QTMAN: variants seen among roughly 807,000 people sequenced by gnomAD.
QTMAN encodes tRNA-queuosine alpha-mannosyltransferase.
chr2:144,116,977 G>T, the QTMAN span, among the ~76,000 whole-genome samples: 2 of 152,140 alleles, frequency 1.3e-5, no homozygotes, highest in Non-Finnish European at 2.9e-5. Flanking sequence ...GCACACTCTA[G>T]AATAGTTTTC....
At chr2:144,180,954 A>G in the QTMAN span, among the ~76,000 whole-genome samples, 99 of 152,334 alleles carry the variant, frequency 6.5e-4, no homozygotes, top group African/African-American at 2.2e-3. Flanking sequence ...GGAAATTTCC[A>G]TAACAGATTC....
At chr2:144,207,422 T>C in the QTMAN span, among the ~76,000 whole-genome samples, 8 of 152,126 alleles carry the variant, frequency 5.3e-5, no homozygotes, top group Non-Finnish European at 1.0e-4. Flanking sequence ...GTGGCCACTT[T>C]AGAAGCAGCA....
the QTMAN span, among the ~76,000 whole-genome samples, chr2:144,077,825 T>A: frequency 6.6e-6 from 1 of 152,208 alleles, no homozygotes; most frequent in East Asian, 1.9e-4. Context: ...AGTAAGCAAT[T>A]TTAACAATGA....
the QTMAN span, among the ~76,000 whole-genome samples, chr2:144,124,520 G>C: frequency 3.3e-5 from 5 of 152,224 alleles, no homozygotes; most frequent in Middle Eastern, 3.4e-3. Flanking sequence ...CTAAGCCACA[G>C]AGTGGAAGCT....
At chr2:144,263,885 G>C in the QTMAN span, among the ~76,000 whole-genome samples, 2 of 152,018 alleles carry the variant, frequency 1.3e-5, no homozygotes, top group African/African-American at 4.8e-5. Context: ...AAACTGACAA[G>C]CTACCTAGAG....
the QTMAN span, chr2:143,951,830 G>A: frequency 1.8e-6 from 1 of 555,338 alleles, no homozygotes; most frequent in Admixed American, 3.2e-5. Context: ...CTGGCATCCA[G>A]TTTAATTAAT....
chr2:143,963,126 C>G, the QTMAN span, among the ~76,000 whole-genome samples: 3 of 151,972 alleles, frequency 2.0e-5, no homozygotes, highest in Non-Finnish European at 2.9e-5. Context: ...TAACTAAAGC[C>G]TTAGTGTCCT....
chr2:143,960,366 C>A, the QTMAN span, among the ~76,000 whole-genome samples: 7 of 152,014 alleles, frequency 4.6e-5, no homozygotes, highest in Non-Finnish European at 1.0e-4. Flanking sequence ...GAGGGAGGGG[C>A]ACTGGATGGT....
chr2:144,006,389 A>G, the QTMAN span: 4 of 152,080 alleles, frequency 2.6e-5, no homozygotes, highest in Non-Finnish European at 4.4e-5. Context: ...CTCTCAGAAA[A>G]TCGGACCTAA....
the QTMAN span, among the ~76,000 whole-genome samples, chr2:144,094,124 C>T: frequency 8.3e-4 from 126 of 152,232 alleles, 4 homozygotes; most frequent in Admixed American, 2.0e-3. Flanking sequence ...ATCAATTATA[C>T]AATAAACTGC....
At chr2:144,076,012 G>A in the QTMAN span, among the ~76,000 whole-genome samples, 2 of 152,240 alleles carry the variant, frequency 1.3e-5, no homozygotes, top group East Asian at 3.8e-4. Flanking sequence ...ACTTTGGGAG[G>A]ATGAGGCGGG....
the QTMAN span, among the ~76,000 whole-genome samples, chr2:144,181,338 T>A: frequency 7.2e-5 from 11 of 152,298 alleles, no homozygotes; most frequent in African/African-American, 2.6e-4. Flanking sequence ...GGATTAAGCA[T>A]CTAAAAATAC....
At chr2:143,990,890 T>C in the QTMAN span, among the ~76,000 whole-genome samples, 2 of 152,056 alleles carry the variant, frequency 1.3e-5, no homozygotes. Context: ...AGACTAAATA[T>C]GTAAAGAGCA....
chr2:144,089,508 C>A, the QTMAN span, among the ~76,000 whole-genome samples: 1 of 151,910 alleles, frequency 6.6e-6, no homozygotes, highest in South Asian at 2.1e-4. Flanking sequence ...TATTGCAGCA[C>A]TACTTCACCA....
the QTMAN span, among the ~76,000 whole-genome samples, chr2:144,219,225 G>A: frequency 1.3e-4 from 20 of 152,072 alleles, no homozygotes; most frequent in African/African-American, 4.8e-4. Context: ...CCACCTACTA[G>A]GTTCAAGTGA....
At chr2:144,075,619 T>C in the QTMAN span, among the ~76,000 whole-genome samples, 1 of 152,206 alleles carries the variant, frequency 6.6e-6, no homozygotes, top group Admixed American at 6.5e-5. Context: ...ATGGCCCCAA[T>C]TGCATAGAAC....
the QTMAN span, among the ~76,000 whole-genome samples, chr2:144,268,176 T>C: frequency 6.6e-6 from 1 of 152,152 alleles, no homozygotes; most frequent in Non-Finnish European, 1.5e-5. Context: ...AACTGATTGT[T>C]ACAAACAGCC....
chr2:144,313,777 GT>G, the QTMAN span, among the ~76,000 whole-genome samples: 532 of 144,172 alleles, frequency 3.7e-3, 2 homozygotes, highest in East Asian at 0.011. Flanking sequence ...TATCATTAGA[GT>G]TTTTTTTTTT....
At chr2:144,244,342 T>C in the QTMAN span, among the ~76,000 whole-genome samples, 1 of 152,200 alleles carries the variant, frequency 6.6e-6, no homozygotes, top group South Asian at 2.1e-4. Context: ...TGCTGATCTC[T>C]ACAGGTGTCT....
Sources: allele counts gnomAD v4.1 joint callset (sites outside exome capture counted in the v4.1 genomes callset), GRCh38; gene constraint gnomAD v4.1.1; transcripts MANE v1.5; gene names NCBI Gene and HGNC (gene_info 2026-07-23, HGNC 2026-07-21).